Variants in RARB observed in about 807,000 individuals in gnomAD.
RARB encodes HBV-activated protein.
Under a neutral mutation model 51.9 loss-of-function variants are expected in RARB, and 17 were observed. That is an observed-to-expected ratio of 0.33 (90% CI 0.22 to 0.49). The LOEUF is 0.49. RARB is among the 20% of genes least tolerant of loss of function. The pLI is 0.99. For missense variants in RARB, 369 were observed against 550.8 expected, an observed-to-expected ratio of 0.67 and a Z score of 3.30; for synonymous variants, 215 against 195.4, an observed-to-expected ratio of 1.10 and a Z score of -0.84.
At chr3:25,340,083 G>A (rs1330511647) in intron 5 of RARB, among the ~76,000 whole-genome samples, 1 of 152,128 alleles carries the variant, frequency 6.6e-6, no homozygotes, top group Non-Finnish European at 1.5e-5. Flanking sequence ...AAGCGAAGGA[G>A]AACACGTGGG....
At chr3:25,558,368 A>G (rs1440854595) in intron 3 of RARB, among the ~76,000 whole-genome samples, 1 of 152,122 alleles carries the variant, frequency 6.6e-6, no homozygotes, top group Non-Finnish European at 1.5e-5. Flanking sequence ...ACTGGCGGCT[A>G]CTTGAACACT....
At chr3:24,879,670 C>G (rs1165031321) in intron 2 of RARB, among the ~76,000 whole-genome samples, 1 of 151,906 alleles carries the variant, frequency 6.6e-6, no homozygotes, top group African/African-American at 2.4e-5. Context: ...AAACAAAAAA[C>G]CGAATCACTT....
At chr3:25,586,339 A>T (rs1479753438) in intron 5 of RARB, among the ~76,000 whole-genome samples, 1 of 151,988 alleles carries the variant, frequency 6.6e-6, no homozygotes, top group Non-Finnish European at 1.5e-5. Flanking sequence ...CATTTCCCAA[A>T]AGCTTCTCCC....
chr3:25,033,208 T>C (rs1697910666), intron 2 of RARB, among the ~76,000 whole-genome samples: 1 of 152,210 alleles, frequency 6.6e-6, no homozygotes, highest in South Asian at 2.1e-4. Context: ...TATGAAGGTC[T>C]AGAGCTTTCA....
intron 3 of RARB, among the ~76,000 whole-genome samples, chr3:25,549,247 T>G (rs924768027): frequency 1.3e-5 from 2 of 152,056 alleles, no homozygotes; most frequent in African/African-American, 4.8e-5. Flanking sequence ...GATAAGCATT[T>G]AGAGACTGAA....
chr3:24,839,840 A>T (rs1340646101), intron 1 of RARB, among the ~76,000 whole-genome samples: 3 of 152,182 alleles, frequency 2.0e-5, no homozygotes, highest in Non-Finnish European at 2.9e-5. Flanking sequence ...ATACTAATTT[A>T]AAAATAATTT....
chr3:25,467,186 C>G (rs1575431193), intron 2 of RARB, among the ~76,000 whole-genome samples: 1 of 152,240 alleles, frequency 6.6e-6, no homozygotes, highest in East Asian at 1.9e-4. Context: ...TCCAGAAATA[C>G]CTGACGTCAC....
chr3:25,524,628 GCCTCCCTCCTT>G (rs568081994), intron 3 of RARB, among the ~76,000 whole-genome samples: 1,165 of 109,584 alleles, frequency 0.011, 4 homozygotes, highest in Admixed American at 0.017. Flanking sequence ...CTCCCTCCCT[GCCTCCCTCCTT>G]CCTCCCTCCC....
At chr3:24,891,050 G>T (rs1050598097) in intron 2 of RARB, among the ~76,000 whole-genome samples, 16 of 152,154 alleles carry the variant, frequency 1.1e-4, no homozygotes, top group African/African-American at 3.9e-4. Flanking sequence ...ATGTGGAAAA[G>T]CTCAGTGCGT....
At chr3:24,877,130 T>C (rs1019398688) in intron 2 of RARB, among the ~76,000 whole-genome samples, 1 of 152,086 alleles carries the variant, frequency 6.6e-6, no homozygotes, top group African/African-American at 2.4e-5. Context: ...ATGCACAATG[T>C]AAAAGTAATA....
At chr3:25,280,328 G>C (rs1202324924) in intron 5 of RARB, among the ~76,000 whole-genome samples, 2 of 152,124 alleles carry the variant, frequency 1.3e-5, no homozygotes, top group Non-Finnish European at 2.9e-5. Context: ...TCTCAAATGA[G>C]GGTTTTTTAA....
chr3:24,903,710 A>C (rs539661515), intron 2 of RARB, among the ~76,000 whole-genome samples: 3 of 152,278 alleles, frequency 2.0e-5, no homozygotes, highest in Non-Finnish European at 4.4e-5. Context: ...GGAAAGAATC[A>C]TATCTGATAA....
At position 24,989,203 on chromosome 3, in the gene RARB, T is replaced by C. The variant is rs192782813; in HGVS notation, c.-379-70922T>C. ...TCTTATATACGTGGTACTACCATGA[T>C]AGTCAAAATGTTTAGCAATCTATGT... On this transcript the variant is annotated intron_variant, in intron 2 of 11. Coordinates refer to the RARB transcript ENST00000383772. 5.3e-5 allele frequency among the ~76,000 whole-genome samples: 8 copies of C among 152,340 alleles called. No individual in the cohort carries two copies. The East Asian group carries it at 1.5e-3, about 29-fold the overall frequency.
chr3:24,905,603 T>G (rs1442383973), intron 2 of RARB, among the ~76,000 whole-genome samples: 3 of 152,188 alleles, frequency 2.0e-5, no homozygotes, highest in Non-Finnish European at 2.9e-5. Context: ...AAAAGGATAG[T>G]TTGAGATTGT....
rs114736662 is a variant in RARB at position 24,836,284 on chromosome 3, C to T, written c.-459+6881C>T. On this transcript the variant is annotated intron_variant, in intron 1 of 11. Coordinates refer to the RARB transcript ENST00000383772. ...AGCAGCAATGTCCCAGGATCCTATA[C>T]GTGGCAAGGGACTGGATATAAGAGA... is the stretch of plus-strand genomic sequence containing the variant. 8.0e-3 allele frequency among the ~76,000 whole-genome samples: 1,225 copies of T among 152,278 alleles called. 13 individuals are homozygous for T. Among genetic ancestry groups the T allele is most frequent in the African/African-American group, 0.028 (1,176 of 41,556 alleles).
intron 2 of RARB, among the ~76,000 whole-genome samples, chr3:24,907,847 A>T (rs1355069384): frequency 6.6e-6 from 1 of 152,132 alleles, no homozygotes. Context: ...TATATTACCA[A>T]TATAGGGATC....
intron 5 of RARB, among the ~76,000 whole-genome samples, chr3:25,225,826 G>C (rs1049106405): frequency 1.3e-5 from 2 of 152,088 alleles, no homozygotes; most frequent in Non-Finnish European, 2.9e-5. Context: ...TGATATCTTT[G>C]ATTGGACCTT....
intron 2 of RARB, among the ~76,000 whole-genome samples, chr3:24,874,286 A>T (rs1252404891): frequency 1.3e-5 from 2 of 151,982 alleles, no homozygotes; most frequent in Non-Finnish European, 2.9e-5. Context: ...TATTTTCTGT[A>T]TTTGTATGAA....
chr3:25,532,279 T>C (rs1487273036), intron 3 of RARB, among the ~76,000 whole-genome samples: 1 of 152,196 alleles, frequency 6.6e-6, no homozygotes, highest in African/African-American at 2.4e-5. Flanking sequence ...ACTTGAAATA[T>C]GTTTTCAATA....
Sources: gnomAD v4.1 joint callset for allele counts (sites outside exome capture counted in the v4.1 genomes callset) on GRCh38, gnomAD v4.1.1 for gene constraint, MANE v1.5 for transcripts, NCBI Gene and HGNC (gene_info 2026-07-23, HGNC 2026-07-21) for gene names.